Variants in EP400 observed in about 807,000 individuals in gnomAD.
EP400 encodes the protein E1A binding protein p400, also known as E1A-binding protein p400.
Under a neutral mutation model 354.1 loss-of-function variants are expected in EP400, and 105 were observed. The ratio of observed to expected loss-of-function variants is 0.30; its 90% confidence interval spans 0.25 to 0.35. EP400 has a LOEUF of 0.35. Ranked by LOEUF, EP400 falls within the 10% of genes least tolerant of loss-of-function variation. The pLI, the probability that EP400 is intolerant of heterozygous loss-of-function variation, is 1.00. For synonymous variants in EP400, 1,646 were observed against 1,716.9 expected, an observed-to-expected ratio of 0.96 and a Z score of 1.02; for missense variants, 3,280 against 4,121.0, an observed-to-expected ratio of 0.80 and a Z score of 5.59.
Position 132,029,638 on chromosome 12 carries a change from C to A in EP400, c.5382-63C>A. Reference sequence around the variant, plus strand: ...AGAAGTCTGCCCCATCTTTCAGGAGCCCCCATGCTGGGTGAAGGTGTGTGG... The same window carrying A: ...AGAAGTCTGCCCCATCTTTCAGGAGACCCCATGCTGGGTGAAGGTGTGTGG... On this transcript the variant is annotated intron_variant, in intron 27 of 52. Coordinates refer to ENST00000389561, the MANE Select transcript of EP400 (RefSeq NM_015409.5). The surrounding 1 kb of genome is among the most constrained non-coding windows in gnomAD (Gnocchi z 4.7). 1 of 1,545,704 alleles carries A rather than the reference C, an allele frequency of 6.5e-7. No homozygotes were observed.
chr12:132,014,948 C>T (rs1479584346), intron 19 of EP400, among the ~76,000 whole-genome samples: 1 of 152,194 alleles, frequency 6.6e-6, no homozygotes, highest in Non-Finnish European at 1.5e-5. Context: ...CTCTCTGTGC[C>T]TCATCCTCTG....
intron 15 of EP400, 101 bp downstream of exon 15, chr12:132,006,978 T>C (rs1893603604): frequency 1.5e-6 from 2 of 1,323,916 alleles, no homozygotes; most frequent in Admixed American, 4.5e-5. Flanking sequence ...TCTTATCTAC[T>C]TCTTTGCTCC....
intron 1 of EP400, among the ~76,000 whole-genome samples, 193 bp from the exon 2 acceptor site, chr12:131,960,392 G>A (rs1891838832): frequency 6.6e-6 from 1 of 152,296 alleles, no homozygotes; most frequent in East Asian, 1.9e-4. Context: ...CCACTCCCGT[G>A]TGGCCCACCC....
At chr12:132,064,637 T>C in intron 47 of EP400, 31 bp from the exon 48 acceptor site, 2 of 1,602,752 alleles carry the variant, frequency 1.2e-6, no homozygotes, top group Non-Finnish European at 1.7e-6. Flanking sequence ...ACAGTTAATG[T>C]TGAAGAGAAG....
In EP400 at chr12:132,066,978, C is replaced by T. The variant is rs778147301; in HGVS notation, c.8749+9C>T. 1 of 1,583,540 alleles carries T rather than the reference C, an allele frequency of 6.3e-7. No individual in the cohort carries two copies. The highest frequency in any genetic ancestry group is 1.8e-5 in the Admixed American group (1 of 55,088). On this transcript the variant is annotated intron_variant, in intron 49 of 52. Transcript: ENST00000389561. ...GCCACAGAAGGCAGCAGGTGCCCGC[C>T]CCAGCACACCCTCCCGTCCTGGGCT...
intron 47 of EP400, 127 bp from the exon 48 acceptor site, chr12:132,064,541 C>CTGCA: frequency 7.7e-7 from 1 of 1,296,530 alleles, no homozygotes. Context: ...GGTCTGGATG[C>CTGCA]TGCACGGTAG....
rs1437452861 is a variant in EP400 at position 132,055,116 on chromosome 12, G to A, written c.7792G>A (p.Val2598Met). The change falls in exon 45 of 53, where the codon GTG becomes ATG. Residue 2598 changes from valine (V) to methionine (M), a missense_variant. Coordinates refer to ENST00000389561, the MANE Select transcript of EP400 (RefSeq NM_015409.5). ...CTCCGCAGGTGCCGTGAGTGGAAAT[G>A]TGATCGTGAACACCATCGCAGGGGT... ...SMPTGAVSGN[V>M]IVNTIAGVPA... is the part of the protein sequence containing the mutation. The A allele has an allele frequency of 6.2e-7, 1 of 1,613,556 alleles. No individual in the cohort carries two copies. Among genetic ancestry groups the A allele is most frequent in the African/African-American group, 1.3e-5 (1 of 74,872 alleles).
chr12:132,000,415 T>C (rs1893367357), intron 12 of EP400, among the ~76,000 whole-genome samples: 1 of 152,236 alleles, frequency 6.6e-6, no homozygotes, highest in Admixed American at 6.5e-5. Context: ...ATACATGCTT[T>C]AAAACAACAT....
Position 132,006,020 on chromosome 12 carries a change from G to T in EP400, c.2936-92G>T, listed in dbSNP as rs1229073241. ...CCTAATTCAGTATTTAAAGTAGTTG[G>T]ATTCTATAAACTTTTTCCTGTTTTA... On this transcript the variant is annotated intron_variant, in intron 13 of 52. Coordinates refer to ENST00000389561, the MANE Select transcript of EP400 (RefSeq NM_015409.5). 4 of 1,252,298 alleles carry T rather than the reference G, an allele frequency of 3.2e-6. No homozygotes were observed. The African/African-American group carries it at 6.1e-5, about 19-fold the overall frequency. 77.6% of individuals were successfully genotyped at this position (1,252,298 alleles called of 1,614,324 possible).
At chr12:131,956,137 G>C (rs917657760) in intron 1 of EP400, among the ~76,000 whole-genome samples, 14 of 152,154 alleles carry the variant, frequency 9.2e-5, no homozygotes, top group Admixed American at 2.6e-4. Flanking sequence ...TCATGCCAGT[G>C]ACCCACGCAG....
intron 7 of EP400, 54 bp from the exon 8 acceptor site, chr12:131,989,910 T>A: frequency 6.3e-7 from 1 of 1,586,004 alleles, no homozygotes. Context: ...ATATCCTTTT[T>A]TTTCCAGCAT....
Position 131,961,908 on chromosome 12 carries a change from A to G in EP400, c.1289A>G (p.Glu430Gly), listed in dbSNP as rs1891895882. 1.2e-6 allele frequency: 2 copies of G among 1,613,660 alleles called. No homozygotes were observed. Among genetic ancestry groups the G allele is most frequent in the Non-Finnish European group, 1.7e-6 (2 of 1,179,782 alleles). ...QNDLDIEEEE[E>G]EEEEEEEKSE... The stretch of plus-strand genomic sequence containing the variant: ...GATTTGGACATTGAAGAAGAGGAGG[A>G]GGAGGAGGAAGAGGAGGAAGAAAAA... Residue 430 changes from glutamate (E) to glycine (G), a missense_variant, in exon 2 of 53, where the codon GAG (glutamate) becomes GGG (glycine). Physicochemically the swap from Glu to Gly is moderately conservative, Grantham distance 98. Transcript: ENST00000389561.
intron 15 of EP400, among the ~76,000 whole-genome samples, chr12:132,008,920 T>C (rs1031738052): frequency 3.5e-5 from 4 of 113,578 alleles, no homozygotes; most frequent in African/African-American, 1.4e-4. Context: ...GTGCCCAGCC[T>C]TTTTTTTTTT....
chr12:131,959,239 C>G (rs775602070), intron 1 of EP400, among the ~76,000 whole-genome samples: 1 of 152,168 alleles, frequency 6.6e-6, no homozygotes, highest in Non-Finnish European at 1.5e-5. Flanking sequence ...CAGCAGCTGC[C>G]CCCTTGATGT....
At chr12:131,976,644 A>C (rs2136484797) in intron 2 of EP400, among the ~76,000 whole-genome samples, 1 of 152,158 alleles carries the variant, frequency 6.6e-6, no homozygotes, top group South Asian at 2.1e-4. Flanking sequence ...CAGGAGGTGG[A>C]GGTTGCAGTG....
intron 2 of EP400, among the ~76,000 whole-genome samples, chr12:131,967,929 G>A (rs1892158286): frequency 1.3e-5 from 2 of 152,126 alleles, no homozygotes; most frequent in African/African-American, 2.4e-5. Flanking sequence ...CTTTGACAAA[G>A]TATCTGTTCA....
rs766139473 is a variant in EP400, at chr12:131,989,986, A to G, written c.2432A>G (p.His811Arg). Residue 811 changes from histidine (H) to arginine (R), a missense_variant, in exon 8 of 53, where the codon CAT (histidine) becomes CGT (arginine). Coordinates refer to ENST00000389561, the MANE Select transcript of EP400 (RefSeq NM_015409.5). ...CAGCTCGTTAGAACTGTGGTGCGCC[A>G]TCACGAGGAGAAGCAGCTCCGTGAA... ...AKKLVRTVVRHHEEKQLREER... is the reference protein window; with the variant it reads ...AKKLVRTVVRRHEEKQLREER... 1 of 1,613,922 alleles carries G rather than the reference A, an allele frequency of 6.2e-7. No individual in the cohort carries two copies. The highest frequency in any genetic ancestry group is 1.1e-5 in the South Asian group (1 of 90,996).
rs746171849 is a variant in EP400 at position 132,021,187 on chromosome 12, G to A, written c.4556G>A (p.Arg1519Gln). 6.9e-6 allele frequency: 11 copies of A among 1,600,792 alleles called. No individual in the cohort carries two copies. The highest frequency in any genetic ancestry group is 2.2e-5 in the East Asian group (1 of 44,856). ...AASPAHPAKL[R>Q]AQTTAQASTP... ...AGCCCGGCCCATCCTGCGAAACTGCGGGCCCAGACCACAGCACAGGCCTCC... is the reference window on the plus strand; with the variant it reads ...AGCCCGGCCCATCCTGCGAAACTGCAGGCCCAGACCACAGCACAGGCCTCC... The change falls in exon 23 of 53, where the codon CGG becomes CAG. Residue 1519 changes from arginine (R) to glutamine (Q), a missense_variant. Transcript: ENST00000389561.
intron 37 of EP400, 84 bp downstream of exon 37, chr12:132,045,037 CTG>C: frequency 7.6e-7 from 1 of 1,321,592 alleles, no homozygotes; most frequent in South Asian, 1.4e-5. Context: ...TGCTGTCTGC[CTG>C]TCTGCTGTCT....
Sources: allele counts gnomAD v4.1 joint callset (sites outside exome capture counted in the v4.1 genomes callset), GRCh38; gene constraint gnomAD v4.1.1; non-coding constraint Gnocchi (gnomAD v3.1); transcripts MANE v1.5; gene names NCBI Gene and HGNC (gene_info 2026-07-23, HGNC 2026-07-21).